Variants in TPST1 observed in about 807,000 individuals in gnomAD.
The protein encoded by TPST1 is protein-tyrosine sulfotransferase 1.
A neutral mutation model predicts 34.8 loss-of-function variants in TPST1; 20 were observed. That is an observed-to-expected ratio of 0.57 (90% CI 0.40 to 0.84). The LOEUF is 0.84. Ranked by LOEUF, TPST1 falls within the 40% of genes least tolerant of loss-of-function variation. TPST1 has a pLI of 0.00. For missense variants in TPST1, 353 were observed against 455.5 expected (o/e 0.78, Z 2.05); for synonymous variants, 152 against 159.4 (o/e 0.95, Z 0.35).
At chr7:66,329,210 T>A (rs971696335) in intron 3 of TPST1, among the ~76,000 whole-genome samples, 1 of 152,058 alleles carries the variant, frequency 6.6e-6, no homozygotes. Context: ...CCACTTCTCC[T>A]GGCCCACAAA....
chr7:66,324,452 T>C (rs1486676119), intron 3 of TPST1, among the ~76,000 whole-genome samples: 4 of 152,190 alleles, frequency 2.6e-5, no homozygotes, highest in Admixed American at 2.6e-4. Context: ...TTTATTAAAA[T>C]CTACTTAAAA....
At chr7:66,224,901 C>CTTTTTTTTTTTTTTTTTTTTTTTT (rs780952403) in intron 1 of TPST1, among the ~76,000 whole-genome samples, 4 of 42,410 alleles carry the variant, frequency 9.4e-5, no homozygotes, top group East Asian at 8.1e-4. Context: ...TTCTGGTATT[C>CTTTTTTTTTTTTTTTTTTTTTTTT]TTTTTTTTTT....
chr7:66,215,781 T>C (rs969458659), intron 1 of TPST1, among the ~76,000 whole-genome samples: 10 of 148,906 alleles, frequency 6.7e-5, no homozygotes, highest in Admixed American at 4.7e-4. Context: ...CTTTCTTTTT[T>C]TTTTTTTTTG....
intron 3 of TPST1, among the ~76,000 whole-genome samples, chr7:66,351,969 G>A (rs1318292237): frequency 6.6e-6 from 1 of 151,982 alleles, no homozygotes; most frequent in Non-Finnish European, 1.5e-5. Context: ...TAAAGCATAG[G>A]TTTTTAATTA....
At position 66,237,321 on chromosome 7, in the gene TPST1, C is replaced by T. The variant is rs186252715; in HGVS notation, c.-101-3004C>T. Among the ~76,000 whole-genome samples, 29 of 151,854 alleles carry T rather than the reference C, an allele frequency of 1.9e-4. No homozygotes were observed. The East Asian group carries it at 5.6e-3, about 29-fold the overall frequency. On this transcript the variant is annotated intron_variant, in intron 1 of 5. Transcript: ENST00000304842. ...CTTACACAGACCCTCATTGTTCTTA[C>T]CCACCTTTTAGCAGTTTTTCAAGCA... is the stretch of plus-strand genomic sequence containing the variant.
At chr7:66,203,182 TAC>T (rs910644937), upstream of TPST1, among the ~76,000 whole-genome samples, 29 of 151,646 alleles carry the variant, frequency 1.9e-4, no homozygotes, top group East Asian at 3.9e-4. Flanking sequence ...CACACATATA[TAC>T]ACACACACAC....
chr7:66,202,797 G>A (rs151276936), upstream of TPST1, among the ~76,000 whole-genome samples: 244 of 152,260 alleles, frequency 1.6e-3, no homozygotes, highest in African/African-American at 5.6e-3. Context: ...ACAAAAGGTG[G>A]GCGCGGTGGC....
intron 2 of TPST1, among the ~76,000 whole-genome samples, chr7:66,264,949 C>T (rs916104414): frequency 3.3e-5 from 5 of 152,154 alleles, no homozygotes; most frequent in African/African-American, 1.2e-4. Flanking sequence ...AGTTTGAGAA[C>T]AGTGTCTCAC....
chr7:66,229,519 T>C (rs7778911), intron 1 of TPST1, among the ~76,000 whole-genome samples: 136,554 of 152,278 alleles, frequency 0.9, 61,406 homozygotes, highest in African/African-American at 0.94. Flanking sequence ...GCAGTGAATA[T>C]GTCACACTTT....
chr7:66,246,001 G>A (rs1447352816), intron 2 of TPST1, among the ~76,000 whole-genome samples: 1 of 151,704 alleles, frequency 6.6e-6, no homozygotes, highest in Non-Finnish European at 1.5e-5. Flanking sequence ...GGGCTATTGG[G>A]GTTGTGTCTT....
At chr7:66,340,275 G>A (rs1349004618) in intron 3 of TPST1, among the ~76,000 whole-genome samples, 1 of 152,024 alleles carries the variant, frequency 6.6e-6, no homozygotes, top group Non-Finnish European at 1.5e-5. Context: ...CACAGCTAAC[G>A]TCATGTTCAA....
chr7:66,261,651 A>G (rs1488920325), intron 2 of TPST1, among the ~76,000 whole-genome samples: 3 of 152,154 alleles, frequency 2.0e-5, no homozygotes, highest in African/African-American at 2.4e-5. Flanking sequence ...TTAAAAAAAT[A>G]TATTTAATAC....
chr7:66,351,914 T>C (rs1037602065), intron 3 of TPST1, among the ~76,000 whole-genome samples: 1 of 152,226 alleles, frequency 6.6e-6, no homozygotes, highest in African/African-American at 2.4e-5. Flanking sequence ...AAATTTATCA[T>C]AAAGATTCCT....
At chr7:66,210,975 CCA>C (rs1789229681) in intron 1 of TPST1, among the ~76,000 whole-genome samples, 1 of 151,906 alleles carries the variant, frequency 6.6e-6, no homozygotes, top group African/African-American at 2.4e-5. Context: ...TGTCTGTCTG[CCA>C]CACACACGCG....
chr7:66,238,489 T>A (rs1445842468), intron 1 of TPST1, among the ~76,000 whole-genome samples: 1 of 151,736 alleles, frequency 6.6e-6, no homozygotes, highest in Non-Finnish European at 1.5e-5. Context: ...GAGGCCTGCG[T>A]TAGTGAGACC....
chr7:66,239,589 C>A (rs9986696), intron 1 of TPST1, among the ~76,000 whole-genome samples: 90,049 of 152,092 alleles, frequency 0.59, 27,104 homozygotes, highest in African/African-American at 0.68. Flanking sequence ...TCTATAATTT[C>A]TCATTGTTAG....
At chr7:66,245,176 T>G (rs887411204) in intron 2 of TPST1, among the ~76,000 whole-genome samples, 22 of 152,182 alleles carry the variant, frequency 1.4e-4, no homozygotes, top group Non-Finnish European at 2.9e-4. Flanking sequence ...AAGAAAAAAT[T>G]ATTCAGTGAT....
chr7:66,327,669 G>A (rs1221672445), intron 3 of TPST1, among the ~76,000 whole-genome samples: 2 of 151,606 alleles, frequency 1.3e-5, no homozygotes, highest in African/African-American at 4.9e-5. Flanking sequence ...GCTGCAGTGA[G>A]CCGTGATTGT....
intron 1 of TPST1, among the ~76,000 whole-genome samples, chr7:66,218,024 C>T (rs1401647697): frequency 6.6e-6 from 1 of 152,110 alleles, no homozygotes; most frequent in African/African-American, 2.4e-5. Context: ...CGATTACAGG[C>T]ACCCACCACC....
Sources: allele counts gnomAD v4.1 joint callset (sites outside exome capture counted in the v4.1 genomes callset), GRCh38; gene constraint gnomAD v4.1.1; transcripts MANE v1.5; gene names NCBI Gene and HGNC (gene_info 2026-07-23, HGNC 2026-07-21).